Variants in CDH8 observed in about 807,000 individuals in gnomAD.
CDH8 encodes cadherin 8.
Under a neutral mutation model 68.1 loss-of-function variants are expected in CDH8, and 17 were observed. The observed-to-expected ratio is 0.25, with a 90% confidence interval of 0.17 to 0.37. CDH8 has a LOEUF of 0.37. Among genes scored for constraint, CDH8 ranks in the 10% least tolerant of loss-of-function variants. The pLI is 1.00. For synonymous variants in CDH8, 372 were observed against 365.1 expected (o/e 1.02, Z -0.21); for missense variants, 763 against 999.3 (o/e 0.76, Z 3.19).
chr16:61,786,622 G>A (rs1379972717), intron 8 of CDH8, among the ~76,000 whole-genome samples: 1 of 4,448 alleles, frequency 2.2e-4, no homozygotes, highest in Non-Finnish European at 5.1e-4. Flanking sequence ...AAAAGAGCCC[G>A]CATCGCCAAG....
chr16:61,770,450 T>C (rs1960748827), intron 8 of CDH8, among the ~76,000 whole-genome samples: 2 of 151,920 alleles, frequency 1.3e-5, no homozygotes, highest in Non-Finnish European at 2.9e-5. Context: ...GGGTATCTAT[T>C]TATACTGAGG....
At chr16:61,896,551 A>G (rs1488106638) in intron 3 of CDH8, among the ~76,000 whole-genome samples, 3 of 152,182 alleles carry the variant, frequency 2.0e-5, no homozygotes. Context: ...AAGGAAGAAC[A>G]GTGGTAAGAG....
intron 8 of CDH8, among the ~76,000 whole-genome samples, chr16:61,736,641 C>T (rs1455433501): frequency 6.6e-6 from 1 of 152,110 alleles, no homozygotes; most frequent in African/African-American, 2.4e-5. Flanking sequence ...TATGAACAGA[C>T]ATGACTGAAA....
At chr16:61,965,820 G>GA (rs1338992943) in intron 2 of CDH8, among the ~76,000 whole-genome samples, 14 of 152,162 alleles carry the variant, frequency 9.2e-5, no homozygotes. Flanking sequence ...GCACTTTCAT[G>GA]AAAATGAGCC....
chr16:61,655,819 G>T, intron 10 of CDH8, 98 bp from the exon 11 acceptor site: 1 of 1,012,478 alleles, frequency 9.9e-7, no homozygotes, highest in Non-Finnish European at 1.5e-6. Context: ...CAAACCTCAA[G>T]ACAATCCCGA....
intron 4 of CDH8, among the ~76,000 whole-genome samples, chr16:61,827,926 T>C (rs1425895199): frequency 1.3e-5 from 2 of 151,776 alleles, no homozygotes; most frequent in East Asian, 1.9e-4. Flanking sequence ...AACATATAAA[T>C]AGAATAGTGT....
chr16:61,977,418 C>G (rs191706818), intron 2 of CDH8, among the ~76,000 whole-genome samples: 7 of 152,188 alleles, frequency 4.6e-5, no homozygotes, highest in East Asian at 1.9e-4. Context: ...TTCTTCCCAA[C>G]AAAATTGAAA....
At position 61,820,751 on chromosome 16, in the gene CDH8, G is replaced by A. The variant is rs186502012; in HGVS notation, c.1023+175C>T. Among the ~76,000 whole-genome samples, 8 of 151,886 alleles carry A rather than the reference G, an allele frequency of 5.3e-5. No individual in the cohort carries two copies. The East Asian group carries it at 1.4e-3, about 26-fold the overall frequency. The stretch of plus-strand genomic sequence containing the variant: ...AGACCTTTAGCAGAAATGTGAAGGG[G>A]GCCCAAGAGATAAGAGTTGCCAAAA... On this transcript the variant is annotated intron_variant, in intron 6 of 11. Transcript: ENST00000577390.
chr16:61,736,798 A>T, intron 8 of CDH8, among the ~76,000 whole-genome samples: 1 of 152,192 alleles, frequency 6.6e-6, no homozygotes, highest in East Asian at 1.9e-4. Flanking sequence ...GAAATTATTT[A>T]TGTCCTTTGT....
intron 2 of CDH8, among the ~76,000 whole-genome samples, chr16:61,909,664 G>A (rs1157063973): frequency 6.6e-6 from 1 of 152,094 alleles, no homozygotes; most frequent in African/African-American, 2.4e-5. Context: ...ACAGAATAGA[G>A]AAGCCTCTCT....
chr16:61,654,137 A>G (rs773765685), intron 11 of CDH8, 36 bp from the exon 12 acceptor site: 1 of 1,579,986 alleles, frequency 6.3e-7, no homozygotes, highest in Non-Finnish European at 8.6e-7. Context: ...TCAGCCAAAC[A>G]AGCATATAAT....
In CDH8 at chr16:61,861,657, T is replaced by C. The variant is rs148523936; in HGVS notation, c.548-4419A>G. ...ATAGAAAAGTGGTTGAGAGGATACA[T>C]GTGGAGTCAAAATGTCTTCAACCAG... On this transcript the variant is annotated intron_variant, in intron 3 of 11. Transcript: ENST00000577390. Among the ~76,000 whole-genome samples, 604 of 152,346 alleles carry C rather than the reference T, an allele frequency of 4.0e-3. 5 individuals carry two copies. The highest frequency in any genetic ancestry group is 0.014 in the African/African-American group (574 of 41,590).
chr16:61,861,043 T>G (rs939259281), intron 3 of CDH8, among the ~76,000 whole-genome samples: 2 of 152,164 alleles, frequency 1.3e-5, no homozygotes, highest in Non-Finnish European at 2.9e-5. Context: ...AACAAAATAA[T>G]ATATGTAGGT....
intron 7 of CDH8, among the ~76,000 whole-genome samples, chr16:61,817,113 C>T (rs1447875551): frequency 1.3e-5 from 2 of 151,998 alleles, no homozygotes; most frequent in East Asian, 1.9e-4. Context: ...AATGCTTCCC[C>T]AAAGCTAAAC....
intron 3 of CDH8, among the ~76,000 whole-genome samples, chr16:61,865,077 G>A (rs1963228463): frequency 6.6e-6 from 1 of 151,996 alleles, no homozygotes; most frequent in Non-Finnish European, 1.5e-5. Context: ...CTCCTTATGT[G>A]CCAACTCTCA....
At chr16:61,827,847 C>A (rs1457960842) in intron 4 of CDH8, among the ~76,000 whole-genome samples, 1 of 151,770 alleles carries the variant, frequency 6.6e-6, no homozygotes, top group Non-Finnish European at 1.5e-5. Context: ...ATTTTTGACT[C>A]CCCCAAAACG....
chr16:61,858,204 A>G lies in CDH8; in HGVS notation c.548-966T>C, dbSNP rs147998483. Among the ~76,000 whole-genome samples, 664 of 152,274 alleles carry G rather than the reference A, an allele frequency of 4.4e-3. 3 individuals are homozygous for G. Among genetic ancestry groups the G allele is most frequent in the Non-Finnish European group, 6.0e-3 (407 of 68,028 alleles). On this transcript the variant is annotated intron_variant, in intron 3 of 11. Transcript: ENST00000577390. ...AATTCAGCTGAATGCAGTAGCACCAATTATGGATCTCTCACTTAGTCCAGC... is the reference window on the plus strand; with the variant it reads ...AATTCAGCTGAATGCAGTAGCACCAGTTATGGATCTCTCACTTAGTCCAGC...
intron 10 of CDH8, among the ~76,000 whole-genome samples, chr16:61,710,392 C>T (rs1045994399): frequency 6.6e-6 from 1 of 152,058 alleles, no homozygotes; most frequent in African/African-American, 2.4e-5. Context: ...AATGAGGTAA[C>T]ACGAGGCATG....
intron 10 of CDH8, among the ~76,000 whole-genome samples, chr16:61,699,692 G>C (rs543147427): frequency 1.3e-5 from 2 of 151,988 alleles, no homozygotes; most frequent in South Asian, 4.2e-4. Flanking sequence ...CTTGTGCCTT[G>C]GCCTCTCAAG....
Sources: gnomAD v4.1 joint callset for allele counts (sites outside exome capture counted in the v4.1 genomes callset) on GRCh38, gnomAD v4.1.1 for gene constraint, MANE v1.5 for transcripts, NCBI Gene and HGNC (gene_info 2026-07-23, HGNC 2026-07-21) for gene names.